The following DCUN1D2 variants were observed in gnomAD, a reference collection of about 807,000 sequenced individuals.
DCUN1D2 encodes the protein DCN1-like protein 2.
DCUN1D2 carries 29 observed loss-of-function variants against 30.9 expected under a neutral mutation model. The ratio of observed to expected loss-of-function variants is 0.94; its 90% confidence interval spans 0.70 to 1.28. DCUN1D2 has a LOEUF of 1.28. Among genes scored for constraint, DCUN1D2 ranks in the 50% most tolerant of loss-of-function variants. The pLI is 0.00. For synonymous variants in DCUN1D2, 121 were observed against 115.3 expected, an observed-to-expected ratio of 1.05 and a Z score of -0.32; for missense variants, 325 against 316.9, an observed-to-expected ratio of 1.03 and a Z score of -0.19.
At chr13:113,487,577 T>TGAGTCCAGCCGCACAGTGTGC (rs1566509016) in intron 1 of DCUN1D2, among the ~76,000 whole-genome samples, 1 of 152,102 alleles carries the variant, frequency 6.6e-6, no homozygotes, top group Non-Finnish European at 1.5e-5. Context: ...GCACAGTGCA[T>TGAGTCCAGCCGCACAGTGTGC]GAGTCCAGCC....
chr13:113,466,950 G>C (rs2044414344), intron 4 of DCUN1D2, among the ~76,000 whole-genome samples: 1 of 152,028 alleles, frequency 6.6e-6, no homozygotes, highest in African/African-American at 2.4e-5. Flanking sequence ...GGGACTACAG[G>C]CGCCCGCCAC....
intron 4 of DCUN1D2, among the ~76,000 whole-genome samples, chr13:113,468,095 G>T (rs1007155733): frequency 6.7e-6 from 1 of 150,244 alleles, no homozygotes; most frequent in Non-Finnish European, 1.5e-5. Flanking sequence ...AAACAGATAC[G>T]TGTACACCCA....
chr13:113,457,834 C>T lies in DCUN1D2; in HGVS notation c.*195G>A, dbSNP rs41286636. ...AAATCTCCAAACATCCCAAAGCAGCCGTGTCCCGAGGAACTTCCTGCGGTG... is the reference window on the plus strand; with the variant it reads ...AAATCTCCAAACATCCCAAAGCAGCTGTGTCCCGAGGAACTTCCTGCGGTG... On this transcript the variant is annotated 3_prime_UTR_variant, in exon 7 of 7. Transcript: ENST00000478244. 1.0e-4 allele frequency: 63 copies of T among 603,902 alleles called. No individual in the cohort carries two copies. Among genetic ancestry groups the T allele is most frequent in the Admixed American group, 5.7e-4 (22 of 38,308 alleles). The allele number at this position is 603,902 out of a possible 1,614,324, so 37.4% of individuals were successfully genotyped here.
intron 2 of DCUN1D2, among the ~76,000 whole-genome samples, chr13:113,482,285 AT>A (rs1446823149): frequency 6.6e-6 from 1 of 152,238 alleles, no homozygotes; most frequent in Non-Finnish European, 1.5e-5. Flanking sequence ...TTAAATAATA[AT>A]GAAGGGATGA....
chr13:113,474,908 A>AT (rs576806516), intron 3 of DCUN1D2, among the ~76,000 whole-genome samples: 103 of 152,342 alleles, frequency 6.8e-4, no homozygotes, highest in African/African-American at 2.4e-3. Context: ...ATATCCAGGT[A>AT]TTGTAAAACA....
chr13:113,474,011 A>T, intron 4 of DCUN1D2, 113 bp downstream of exon 4: 2 of 1,397,782 alleles, frequency 1.4e-6, no homozygotes, highest in South Asian at 1.3e-5. Context: ...TCTCCAAAAA[A>T]CCAAACCAAA....
At chr13:113,487,392 G>C (rs2044824657) in intron 1 of DCUN1D2, among the ~76,000 whole-genome samples, 1 of 152,222 alleles carries the variant, frequency 6.6e-6, no homozygotes, top group Non-Finnish European at 1.5e-5. Flanking sequence ...CCATAAAAAG[G>C]AATGAAGTAT....
rs1343215613 is a variant in DCUN1D2 at position 113,488,720 on chromosome 13, G to A, written c.3+1947C>T. On this transcript the variant is annotated intron_variant, in intron 1 of 6. Transcript: ENST00000478244. The surrounding 1 kb of genome is among the most constrained non-coding windows in gnomAD (Gnocchi z 4.3). ...AGAAGCTTCGAGTGCACCCAGACAG[G>A]ACTGAACCCAGGTCAATCTAATCAA... Among the ~76,000 whole-genome samples the A allele has an allele frequency of 6.6e-6, 1 of 152,158 alleles. No individual in the cohort carries two copies. The highest frequency in any genetic ancestry group is 2.4e-5 in the African/African-American group (1 of 41,434).
chr13:113,484,130 C>A (rs1055475479), intron 1 of DCUN1D2, 74 bp from the exon 2 acceptor site: 11 of 1,590,768 alleles, frequency 6.9e-6, no homozygotes, highest in Non-Finnish European at 9.4e-6. Flanking sequence ...CTAACGCCTG[C>A]ACTTTAACTG....
intron 4 of DCUN1D2, among the ~76,000 whole-genome samples, chr13:113,472,568 A>AG (rs1256823332): frequency 6.6e-6 from 1 of 152,202 alleles, no homozygotes; most frequent in Non-Finnish European, 1.5e-5. Flanking sequence ...CGAAGGAAGC[A>AG]GGGAACGCAC....
intron 6 of DCUN1D2, among the ~76,000 whole-genome samples, chr13:113,459,054 C>T (rs2044274904): frequency 6.6e-6 from 1 of 152,212 alleles, no homozygotes; most frequent in South Asian, 2.1e-4. Flanking sequence ...ATACCTAACT[C>T]CATGGCTCCA....
chr13:113,463,371 T>C (rs1270332070), intron 4 of DCUN1D2, among the ~76,000 whole-genome samples: 2 of 152,110 alleles, frequency 1.3e-5, no homozygotes, highest in African/African-American at 4.8e-5. Flanking sequence ...TTAGCTCTCA[T>C]GAAACTTCAC....
intron 3 of DCUN1D2, among the ~76,000 whole-genome samples, chr13:113,478,357 G>A (rs777604236): frequency 1.3e-5 from 2 of 150,632 alleles, no homozygotes; most frequent in Non-Finnish European, 3.0e-5. Flanking sequence ...AATGCTTCTG[G>A]CACCTATTAT....
At chr13:113,458,149 G>A (rs745309616) in intron 6 of DCUN1D2, 41 bp from the exon 7 acceptor site, 23 of 1,530,956 alleles carry the variant, frequency 1.5e-5, no homozygotes, top group East Asian at 6.8e-5. Context: ...TTAGAGCACC[G>A]TTTTTATCTC....
Position 113,457,663 on chromosome 13 carries a change from G to A in DCUN1D2, c.*366C>T, listed in dbSNP as rs1323169157. The A allele has an allele frequency of 1.8e-5, 3 of 164,788 alleles. No individual in the cohort carries two copies. Among genetic ancestry groups the A allele is most frequent in the South Asian group, 2.0e-4 (1 of 4,962 alleles). 10.2% of individuals were successfully genotyped at this position (164,788 alleles called of 1,614,324 possible). On this transcript the variant is annotated 3_prime_UTR_variant, in exon 7 of 7. Transcript: ENST00000478244. ...CAGTGCCACCGCAACGTCATTCGGCGGGACGCTGCCGGACGCTGGTTCGCC... is the reference window on the plus strand; with the variant it reads ...CAGTGCCACCGCAACGTCATTCGGCAGGACGCTGCCGGACGCTGGTTCGCC...
chr13:113,461,389 T>C (rs948769726), intron 4 of DCUN1D2, among the ~76,000 whole-genome samples: 6 of 152,218 alleles, frequency 3.9e-5, no homozygotes, highest in Admixed American at 1.3e-4. Context: ...CCCCCCTAAT[T>C]AATCAGTTTT....
chr13:113,489,396 C>G (rs887065157), intron 1 of DCUN1D2: 1 of 152,822 alleles, frequency 6.5e-6, no homozygotes, highest in African/African-American at 2.4e-5. Flanking sequence ...TCCGCAGTGA[C>G]CCCTAAAGGT....
chr13:113,474,521 C>A (rs1184199250), intron 3 of DCUN1D2, among the ~76,000 whole-genome samples: 1 of 152,216 alleles, frequency 6.6e-6, no homozygotes, highest in Non-Finnish European at 1.5e-5. Flanking sequence ...ACTAAAACCA[C>A]TGAGTTGTAG....
At chr13:113,490,742 T>C (rs1441267833), upstream of DCUN1D2, 15 of 1,160,000 alleles carry the variant, frequency 1.3e-5, no homozygotes, top group Non-Finnish European at 1.6e-5. The surrounding 1 kb of genome is among the most constrained non-coding windows in gnomAD (Gnocchi z 5.2). Context: ...GCCCTCGTCC[T>C]CGGACGGCCG....
Sources: allele counts gnomAD v4.1 joint callset (sites outside exome capture counted in the v4.1 genomes callset), GRCh38; gene constraint gnomAD v4.1.1; non-coding constraint Gnocchi (gnomAD v3.1); transcripts MANE v1.5; gene names NCBI Gene and HGNC (gene_info 2026-07-23, HGNC 2026-07-21).